NRG3: variants seen among roughly 807,000 people sequenced by gnomAD.
The protein encoded by NRG3 is pro-neuregulin-3, membrane-bound isoform.
NRG3 carries 31 observed loss-of-function variants against 66.9 expected under a neutral mutation model. The ratio of observed to expected loss-of-function variants is 0.46; its 90% CI spans 0.35 to 0.63. The LOEUF is 0.63. Ranked by LOEUF, NRG3 falls within the 20% of genes least tolerant of loss-of-function variation. The probability of loss-of-function intolerance (pLI) is 0.00; values close to 1 mark genes in which losing one functional copy is unlikely to be tolerated. For missense variants in NRG3, 910 were observed against 878.9 expected, an observed-to-expected ratio of 1.04 and a Z score of -0.45; for synonymous variants, 393 against 359.4, an observed-to-expected ratio of 1.09 and a Z score of -1.06.
At chr10:82,514,607 T>C (rs1482530818) in intron 2 of NRG3, among the ~76,000 whole-genome samples, 1 of 152,148 alleles carries the variant, frequency 6.6e-6, no homozygotes, top group Admixed American at 6.5e-5. Flanking sequence ...GTTTTTGTTT[T>C]TGTTTTTACA....
Position 82,640,322 on chromosome 10 carries a change from A to T in NRG3, c.954-98255A>T, listed in dbSNP as rs184796524. ...TGGTACATATACACCATGGAATACTATGGAGCCCTGGTGATTTTATCCAGT... is the reference window on the plus strand; with the variant it reads ...TGGTACATATACACCATGGAATACTTTGGAGCCCTGGTGATTTTATCCAGT... On this transcript the variant is annotated intron_variant, in intron 2 of 8. Coordinates refer to ENST00000372141, the MANE Select transcript of NRG3 (RefSeq NM_001010848.4). 4.5e-4 allele frequency among the ~76,000 whole-genome samples: 68 copies of T among 152,350 alleles called. 1 individual carries two copies. In the South Asian group the frequency reaches 9.9e-3, roughly 22 times the overall value.
At chr10:82,091,944 T>G (rs2066050713) in intron 1 of NRG3, among the ~76,000 whole-genome samples, 1 of 152,198 alleles carries the variant, frequency 6.6e-6, no homozygotes, top group Non-Finnish European at 1.5e-5. Context: ...CAATATATCT[T>G]ACTTGGAGAA....
chr10:82,477,420 C>T (rs1452450003), intron 2 of NRG3, among the ~76,000 whole-genome samples: 1 of 152,144 alleles, frequency 6.6e-6, no homozygotes, highest in African/African-American at 2.4e-5. Flanking sequence ...CACAGGGACC[C>T]ATTAACTGGA....
chr10:82,005,129 A>C (rs796507011), intron 1 of NRG3, among the ~76,000 whole-genome samples: 2 of 152,210 alleles, frequency 1.3e-5, no homozygotes, highest in South Asian at 2.1e-4. Context: ...AATAGCTAGT[A>C]AGTGATACAC....
intron 7 of NRG3, among the ~76,000 whole-genome samples, chr10:82,974,838 A>C (rs530575771): frequency 1.3e-5 from 2 of 152,322 alleles, no homozygotes; most frequent in African/African-American, 4.8e-5. Context: ...TGATAGAAGA[A>C]AACTACTTTC....
chr10:82,565,571 AC>A (rs1203559489), intron 2 of NRG3, among the ~76,000 whole-genome samples: 35 of 151,936 alleles, frequency 2.3e-4, no homozygotes, highest in Non-Finnish European at 4.1e-4. Context: ...CAATCTAGAC[AC>A]CTAACAGTCT....
chr10:82,292,051 G>A (rs756928170), intron 1 of NRG3, among the ~76,000 whole-genome samples: 10 of 152,020 alleles, frequency 6.6e-5, no homozygotes, highest in South Asian at 2.1e-4. Flanking sequence ...AAGACTGGGG[G>A]AAAATATTTG....
intron 1 of NRG3, among the ~76,000 whole-genome samples, chr10:82,063,823 C>T (rs949404589): frequency 2.0e-5 from 3 of 152,176 alleles, no homozygotes; most frequent in South Asian, 2.1e-4. Context: ...CTCCCACCAT[C>T]GTTTGATCTA....
At chr10:82,585,878 C>T (rs1040378187) in intron 2 of NRG3, among the ~76,000 whole-genome samples, 6 of 152,088 alleles carry the variant, frequency 3.9e-5, no homozygotes, top group African/African-American at 1.2e-4. Flanking sequence ...AGGTATACTA[C>T]TATTATTGAT....
intron 2 of NRG3, among the ~76,000 whole-genome samples, chr10:82,723,412 G>T (rs1008525210): frequency 1.3e-5 from 2 of 152,068 alleles, no homozygotes; most frequent in Admixed American, 6.6e-5. Context: ...CAGAATCTCA[G>T]CATCATGCAA....
chr10:82,725,400 T>G (rs974881994), intron 2 of NRG3, among the ~76,000 whole-genome samples: 2 of 152,216 alleles, frequency 1.3e-5, no homozygotes, highest in African/African-American at 4.8e-5. Flanking sequence ...GTATTGAAAT[T>G]CATATTCTAC....
rs150664111 is a variant in NRG3 at position 82,353,516 on chromosome 10, C to T, written c.824-5223C>T. The stretch of plus-strand genomic sequence containing the variant: ...TACTGATTACTTACTATGTATGCTA[C>T]GTGATGTGGAAAGAATAGAAAACTT... On this transcript the variant is annotated intron_variant, in intron 1 of 8. Coordinates refer to ENST00000372141, the MANE Select transcript of NRG3 (RefSeq NM_001010848.4). Among the ~76,000 whole-genome samples, 1,035 of 152,164 alleles carry T rather than the reference C, an allele frequency of 6.8e-3. 8 individuals are homozygous for T. The highest frequency in any genetic ancestry group is 8.5e-3 in the Non-Finnish European group (581 of 68,020).
chr10:82,941,942 T>C (rs1848609740), intron 4 of NRG3, among the ~76,000 whole-genome samples: 1 of 152,160 alleles, frequency 6.6e-6, no homozygotes, highest in Non-Finnish European at 1.5e-5. Context: ...TTGCATATCT[T>C]GAGTATGCGG....
intron 2 of NRG3, among the ~76,000 whole-genome samples, chr10:82,435,741 A>C (rs1286252141): frequency 6.8e-6 from 1 of 146,908 alleles, no homozygotes; most frequent in East Asian, 2.0e-4. Context: ...TTCAATTTCC[A>C]TGAAATTGTG....
Position 82,037,978 on chromosome 10 carries a change from A to G in NRG3, c.823+161815A>G, listed in dbSNP as rs202138523. On this transcript the variant is annotated intron_variant, in intron 1 of 8. Coordinates refer to ENST00000372141, the MANE Select transcript of NRG3 (RefSeq NM_001010848.4). ...AGGAATCTTAGTGTGGGGAGGGGGGAGAGAGAGAGAGAGAGCAAAAAAAGA... is the reference window on the plus strand; with the variant it reads ...AGGAATCTTAGTGTGGGGAGGGGGGGGAGAGAGAGAGAGAGCAAAAAAAGA... 1.1e-4 allele frequency among the ~76,000 whole-genome samples: 6 copies of G among 53,246 alleles called. No individual in the cohort carries two copies. In the East Asian group the frequency reaches 1.7e-3, roughly 15 times the overall value. 34.9% of individuals were successfully genotyped at this position (53,246 alleles called of 152,430 possible).
intron 2 of NRG3, among the ~76,000 whole-genome samples, chr10:82,413,033 G>T (rs1431612831): frequency 1.3e-5 from 2 of 152,008 alleles, no homozygotes; most frequent in Admixed American, 6.6e-5. Context: ...ATGAGAGTTG[G>T]AATCAACTTC....
At chr10:82,745,639 G>A (rs377264271) in intron 3 of NRG3, among the ~76,000 whole-genome samples, 4 of 152,016 alleles carry the variant, frequency 2.6e-5, no homozygotes, top group African/African-American at 9.7e-5. Context: ...AATTCTGTCA[G>A]GTTGTATATT....
chr10:82,005,074 C>T (rs949014103), intron 1 of NRG3, among the ~76,000 whole-genome samples: 2 of 152,178 alleles, frequency 1.3e-5, no homozygotes, highest in African/African-American at 4.8e-5. Flanking sequence ...CAGATGAGAA[C>T]ACTGAGATGA....
chr10:82,110,710 T>C (rs1161881267), intron 1 of NRG3, among the ~76,000 whole-genome samples: 1 of 151,782 alleles, frequency 6.6e-6, no homozygotes, highest in Non-Finnish European at 1.5e-5. Flanking sequence ...GGGAGAACAG[T>C]GTGGGGAGAT....
Sources: gnomAD v4.1 joint callset for allele counts (sites outside exome capture counted in the v4.1 genomes callset) on GRCh38, gnomAD v4.1.1 for gene constraint, MANE v1.5 for transcripts, NCBI Gene and HGNC (gene_info 2026-07-23, HGNC 2026-07-21) for gene names.